Variants in PDHA1 observed in about 807,000 individuals in gnomAD.
PDHA1 encodes the protein pyruvate dehydrogenase E1 subunit alpha 1, also known as pyruvate dehydrogenase E1 component subunit alpha, somatic form, mitochondrial.
In PDHA1, 1 loss-of-function variant was observed where a neutral mutation model predicts 33.0. The ratio of observed to expected loss-of-function variants is 0.03; its 90% CI spans 0.01 to 0.14. The LOEUF is 0.14. Among genes scored for constraint, PDHA1 ranks in the 10% least tolerant of loss-of-function variants. PDHA1 has a pLI of 1.00. For missense variants in PDHA1, 168 were observed against 325.1 expected (o/e 0.52, Z 3.72); for synonymous variants, 123 against 119.2 (o/e 1.03, Z -0.21).
At position 19,359,743 on chromosome X, in the gene PDHA1, T is replaced by TTCAATGAAATTCTTGGAAAC. The variant is rs606231192; in HGVS notation, c.*92_*111dup. ...GAGGAAGAAAACCCAGTCAATGAAA[T>TTCAATGAAATTCTTGGAAAC]TCAATGAAATTCTTGGAAACTTCCA... On this transcript the variant is annotated 3_prime_UTR_variant, in exon 11 of 11. Transcript: ENST00000422285. 9 of 867,662 alleles carry TTCAATGAAATTCTTGGAAAC rather than the reference T, an allele frequency of 1.0e-5. No individual in the cohort carries two copies. The highest frequency in any genetic ancestry group is 2.1e-5 in the South Asian group (1 of 47,552). 71.5% of individuals were successfully genotyped at this position (867,662 alleles called of 1,213,427 possible). A position where few individuals can be genotyped will look rare whatever the true frequency, so the allele number is the denominator to read the frequency against.
chrX:19,344,284 G>A (rs1166077480), intron 1 of PDHA1, among the ~76,000 whole-genome samples, 190 bp downstream of exon 1: 2 of 112,872 alleles, frequency 1.8e-5, no homozygotes, highest in Non-Finnish European at 3.8e-5. Context: ...CCGGGATCAC[G>A]CCAAGGTCCG....
intron 1 of PDHA1, among the ~76,000 whole-genome samples, chrX:19,347,428 T>G (rs1023573245): frequency 1.8e-5 from 2 of 112,908 alleles, no homozygotes; most frequent in Non-Finnish European, 3.7e-5. Flanking sequence ...TACACAGTAA[T>G]GAAGCCATGG....
chrX:19,359,712 G>C lies in PDHA1; in HGVS notation c.*59G>C, dbSNP rs1306592509. 9.5e-7 allele frequency: 1 copy of C among 1,054,100 alleles called. No individual in the cohort carries two copies. The highest frequency in any genetic ancestry group is 2.5e-4 in the Middle Eastern group (1 of 3,968). 86.9% of individuals were successfully genotyped at this position (1,054,100 alleles called of 1,213,427 possible). A position where few individuals can be genotyped will look rare whatever the true frequency, so the allele number is the denominator to read the frequency against. On this transcript the variant is annotated 3_prime_UTR_variant, in exon 11 of 11. Coordinates refer to ENST00000422285, the MANE Select transcript of PDHA1 (RefSeq NM_000284.4). ...GCTACCAGACAGTGTTCTCAACTTG[G>C]TTAAGGAGGAAGAAAACCCAGTCAA...
chrX:19,356,017 C>A (rs2063195156), intron 8 of PDHA1, among the ~76,000 whole-genome samples: 1 of 111,939 alleles, frequency 8.9e-6, no homozygotes, highest in Non-Finnish European at 1.9e-5. Flanking sequence ...AACTGATTTG[C>A]CTTTTCCTTA....
Position 19,361,275 on chromosome X carries a change from T to C in PDHA1, c.*1622T>C, listed in dbSNP as rs2063283348. The C allele has an allele frequency of 6.4e-6, 6 of 936,147 alleles. No homozygotes were observed. The highest frequency in any genetic ancestry group is 4.5e-5 in the South Asian group (2 of 44,217). The allele number at this position is 936,147 out of a possible 1,213,427, so 77.1% of individuals were successfully genotyped here. A position where few individuals can be genotyped will look rare whatever the true frequency, so the allele number is the denominator to read the frequency against. On this transcript the variant is annotated 3_prime_UTR_variant, in exon 11 of 11. Transcript: ENST00000422285. Reference sequence around the variant, plus strand: ...GGAGGCCCAGCCCTTTGTTTTCTGCTCTTGAAGCATATTCACACATAAAAA... The same window carrying C: ...GGAGGCCCAGCCCTTTGTTTTCTGCCCTTGAAGCATATTCACACATAAAAA...
chrX:19,353,932 G>T (rs28473430), intron 5 of PDHA1, among the ~76,000 whole-genome samples: 3,960 of 109,357 alleles, frequency 0.036, 94 homozygotes, highest in South Asian at 0.12. Flanking sequence ...ATTATGTGTT[G>T]TTTTTTTTTA....
rs780521730 is a variant in PDHA1 at position 19,358,867 on chromosome X, C to G, written c.900-49C>G. ...CATGTTTCATCACGCCGTCCTTGCT[C>G]TACTGGAACTGCTCTTACTGATCGA... On this transcript the variant is annotated intron_variant, in intron 9 of 10. Transcript: ENST00000422285. 2.1e-5 allele frequency: 15 copies of G among 708,167 alleles called. No individual in the cohort carries two copies. The South Asian group carries it at 3.0e-4, about 14-fold the overall frequency. The allele number at this position is 708,167 out of a possible 1,213,427, so 58.4% of individuals were successfully genotyped here.
chrX:19,360,178 C>T lies in PDHA1; in HGVS notation c.*525C>T, dbSNP rs778207227. 2.0e-5 allele frequency: 3 copies of T among 148,457 alleles called. No homozygotes were observed. In the Admixed American group the frequency reaches 2.3e-4, roughly 11 times the overall value. 12.2% of individuals were successfully genotyped at this position (148,457 alleles called of 1,213,427 possible). A position where few individuals can be genotyped will look rare whatever the true frequency, so the allele number is the denominator to read the frequency against. On this transcript the variant is annotated 3_prime_UTR_variant, in exon 11 of 11. Coordinates refer to ENST00000422285, the MANE Select transcript of PDHA1 (RefSeq NM_000284.4). ...CACATAACTTAGTTTTCTCTACTTA[C>T]ACATTCAGTATAAATATGAAGCTAT...
chrX:19,345,132 G>T (rs1206611449), intron 1 of PDHA1, among the ~76,000 whole-genome samples: 2 of 111,276 alleles, frequency 1.8e-5, no homozygotes, highest in Non-Finnish European at 3.8e-5. Context: ...ACCCCCCTAG[G>T]CACAGTGAGG....
chrX:19,347,834 C>A (rs2063143571), intron 1 of PDHA1, among the ~76,000 whole-genome samples: 1 of 112,604 alleles, frequency 8.9e-6, no homozygotes, highest in Admixed American at 9.4e-5. Context: ...TTCTGAGATA[C>A]ATTAGTGGAC....
Position 19,359,851 on chromosome X carries a change from G to GATTATTTTTGACTTAA in PDHA1, c.*200_*215dup, listed in dbSNP as rs1161943811. 1 of 464,761 alleles carries GATTATTTTTGACTTAA rather than the reference G, an allele frequency of 2.2e-6. No homozygotes were observed. Among genetic ancestry groups the GATTATTTTTGACTTAA allele is most frequent in the Non-Finnish European group, 3.8e-6 (1 of 263,036 alleles). 38.3% of individuals were successfully genotyped at this position (464,761 alleles called of 1,213,427 possible). On this transcript the variant is annotated 3_prime_UTR_variant, in exon 11 of 11. Coordinates refer to ENST00000422285, the MANE Select transcript of PDHA1 (RefSeq NM_000284.4). ...AAAGATGAATTATTGAGTGCTTAAA[G>GATTATTTTTGACTTAA]ATTATTTTTGACTTAAAATAGTATA...
chrX:19,349,035 T>C (rs969894624), intron 1 of PDHA1, among the ~76,000 whole-genome samples: 1 of 112,408 alleles, frequency 8.9e-6, no homozygotes, highest in African/African-American at 3.2e-5. Flanking sequence ...ATTCTCACTA[T>C]AATTTCTTTG....
At chrX:19,354,665 C>T (rs1326563704) in intron 6 of PDHA1, 82 bp downstream of exon 6, 2 of 664,229 alleles carry the variant, frequency 3.0e-6, no homozygotes, top group Non-Finnish European at 5.0e-6. Flanking sequence ...AAAGAAGTAG[C>T]ATATTGCTTA....
chrX:19,358,243 T>A (rs2063219757), intron 9 of PDHA1, among the ~76,000 whole-genome samples: 1 of 112,394 alleles, frequency 8.9e-6, no homozygotes, highest in Non-Finnish European at 1.9e-5. Flanking sequence ...GGAATCCCAG[T>A]TTTGACACAG....
At chrX:19,351,217 G>A (rs945421790) in intron 3 of PDHA1, 64 bp from the exon 4 acceptor site, 5 of 1,121,951 alleles carry the variant, frequency 4.5e-6, no homozygotes, top group Non-Finnish European at 6.1e-6. Context: ...CTGTGGTCTA[G>A]GAAACGTTTT....
At position 19,359,480 on chromosome X, in the gene PDHA1, A is replaced by C. The variant is rs372177460; in HGVS notation, c.1009-9A>C. On this transcript the variant is annotated splice_polypyrimidine_tract_variant and intron_variant, in intron 10 of 10. Coordinates refer to ENST00000422285, the MANE Select transcript of PDHA1 (RefSeq NM_000284.4). ...TCTAAAACCTTTTACACTGTTACCT[A>C]ATTTTTAGGAAATTGATGTGGAAGT... 9.1e-6 allele frequency: 11 copies of C among 1,202,827 alleles called. No individual in the cohort carries two copies. In the African/African-American group the frequency reaches 1.2e-4, roughly 13 times the overall value.
chrX:19,355,538 C>T (rs763679737), intron 7 of PDHA1, 34 bp downstream of exon 7: 15 of 1,196,850 alleles, frequency 1.3e-5, no homozygotes, highest in Non-Finnish European at 3.4e-6. Flanking sequence ...GGGGCCAAGG[C>T]CAAGGCCAAG....
intron 6 of PDHA1, 129 bp from the exon 7 acceptor site, chrX:19,355,220 T>C (rs1357762769): frequency 5.0e-6 from 4 of 797,825 alleles, no homozygotes; most frequent in Non-Finnish European, 5.7e-6. Context: ...CACCCAAAGC[T>C]CGGTTTTAGA....
In PDHA1 at chrX:19,359,745, CAATG is replaced by C. The variant is rs1569194558; in HGVS notation, c.*95_*98del. On this transcript the variant is annotated 3_prime_UTR_variant, in exon 11 of 11. Coordinates refer to ENST00000422285, the MANE Select transcript of PDHA1 (RefSeq NM_000284.4). ...GGAAGAAAACCCAGTCAATGAAATT[CAATG>C]AAATTCTTGGAAACTTCCATTAAGT... is the stretch of plus-strand genomic sequence containing the variant. 1 of 870,226 alleles carries C rather than the reference CAATG, an allele frequency of 1.1e-6. No individual in the cohort carries two copies. Among genetic ancestry groups the C allele is most frequent in the Non-Finnish European group, 1.7e-6 (1 of 593,971 alleles). The allele number at this position is 870,226 out of a possible 1,213,427, so 71.7% of individuals were successfully genotyped here.
Sources: gnomAD v4.1 joint callset for allele counts (sites outside exome capture counted in the v4.1 genomes callset) on GRCh38, gnomAD v4.1.1 for gene constraint, MANE v1.5 for transcripts, NCBI Gene and HGNC (gene_info 2026-07-23, HGNC 2026-07-21) for gene names.